The following KATNAL1 variants were observed in gnomAD, a reference collection of about 807,000 sequenced individuals.
The protein encoded by KATNAL1 is katanin p60 ATPase-containing subunit A-like 1.
In KATNAL1, 32 loss-of-function variants were observed where a neutral mutation model predicts 55.2. That is an observed-to-expected ratio of 0.58 (90% CI 0.44 to 0.78). KATNAL1 has a LOEUF of 0.78. KATNAL1 is among the 30% of genes least tolerant of loss of function. The probability of loss-of-function intolerance (pLI) is 0.00; values close to 1 mark genes in which losing one functional copy is unlikely to be tolerated. For missense variants in KATNAL1, 466 were observed against 600.9 expected, an observed-to-expected ratio of 0.78 and a Z score of 2.35; for synonymous variants, 193 against 193.6, an observed-to-expected ratio of 1.00 and a Z score of 0.02.
At chr13:30,263,480 C>T (rs1475246082) in intron 3 of KATNAL1, among the ~76,000 whole-genome samples, 1 of 151,802 alleles carries the variant, frequency 6.6e-6, no homozygotes, top group Middle Eastern at 3.4e-3. Flanking sequence ...CCCATCGTCT[C>T]AGCCCAAAAT....
rs1874580179 is a variant in KATNAL1, at chr13:30,218,928, T to G, written c.1147+8484A>C. Among the ~76,000 whole-genome samples, 4 of 152,298 alleles carry G rather than the reference T, an allele frequency of 2.6e-5. No individual in the cohort carries two copies. In the South Asian group the frequency reaches 8.3e-4, roughly 32 times the overall value. ...TACAATTATTTTGTCTCATTAAATT[T>G]TGGAGTGGTTTGTTAAACTGCAAGA... is the stretch of plus-strand genomic sequence containing the variant. On this transcript the variant is annotated intron_variant, in intron 9 of 10. Coordinates refer to ENST00000380615, the MANE Select transcript of KATNAL1 (RefSeq NM_032116.5).
At chr13:30,285,477 T>A (rs1881718016) in intron 1 of KATNAL1, among the ~76,000 whole-genome samples, 1 of 152,212 alleles carries the variant, frequency 6.6e-6, no homozygotes, top group African/African-American at 2.4e-5. Flanking sequence ...TCTCTCCTGC[T>A]GCCCTGTGAA....
chr13:30,270,607 C>A (rs1231104176), intron 3 of KATNAL1, among the ~76,000 whole-genome samples: 1 of 151,882 alleles, frequency 6.6e-6, no homozygotes, highest in Non-Finnish European at 1.5e-5. Flanking sequence ...GATCTGTGAC[C>A]TTACCCCCAA....
Position 30,204,233 on chromosome 13 carries a change from C to T in KATNAL1, c.*4307G>A, listed in dbSNP as rs150505276. The T allele has an allele frequency of 3.9e-5, 6 of 152,178 alleles. No individual in the cohort carries two copies. The highest frequency in any genetic ancestry group is 1.4e-4 in the African/African-American group (6 of 41,510). 9.4% of individuals were successfully genotyped at this position (152,178 alleles called of 1,614,324 possible). On this transcript the variant is annotated 3_prime_UTR_variant, in exon 11 of 11. Transcript: ENST00000380615. ...TAAGGTGGCCTTTTCTTGGAAAAGG[C>T]CAGCATTCACCCTTAACATTTTATG...
Position 30,274,907 on chromosome 13 carries a change from GCACACACA to G in KATNAL1, c.323+5148_323+5155del, listed in dbSNP as rs368435407. On this transcript the variant is annotated intron_variant, in intron 3 of 10. Coordinates refer to ENST00000380615, the MANE Select transcript of KATNAL1 (RefSeq NM_032116.5). ...CACACACATACGCGCGCGCGCGCGC[GCACACACA>G]CACACACACACACACACACACACAC... Among the ~76,000 whole-genome samples the G allele has an allele frequency of 4.6e-3, 483 of 105,410 alleles. 4 individuals are homozygous for G. Among genetic ancestry groups the G allele is most frequent in the East Asian group, 0.023 (86 of 3,664 alleles). The allele number at this position is 105,410 out of a possible 152,430, so 69.2% of individuals were successfully genotyped here.
chr13:30,303,261 C>T (rs749612128), intron 1 of KATNAL1, among the ~76,000 whole-genome samples: 5 of 152,342 alleles, frequency 3.3e-5, no homozygotes, highest in Non-Finnish European at 7.3e-5. Flanking sequence ...TGAAAAACTA[C>T]TCCATTTTTT....
intron 3 of KATNAL1, among the ~76,000 whole-genome samples, chr13:30,258,734 C>T (rs1037027369): frequency 1.8e-4 from 27 of 151,872 alleles, no homozygotes; most frequent in Non-Finnish European, 2.5e-4. Flanking sequence ...TTTTGTACGA[C>T]GTGAGGTGGG....
intron 4 of KATNAL1, among the ~76,000 whole-genome samples, chr13:30,248,188 A>G (rs997737117): frequency 1.3e-5 from 2 of 152,212 alleles, no homozygotes; most frequent in African/African-American, 4.8e-5. Flanking sequence ...AGAGGTTAAA[A>G]TATTTGAATG....
In KATNAL1 at chr13:30,210,381, A is replaced by T; in HGVS notation, c.1209T>A (p.Ile403=). The part of the protein sequence containing the change: ...NLREVELDPD[I]QLEDIAEKIE... ...TCTTCTCGGCTATATCTTCCAGTTG[A>T]ATATCAGGATCTAATTCGACCTCAC... The change falls in exon 10 of 11, where the codon ATT becomes ATA. Residue 403 remains isoleucine, a synonymous_variant. Transcript: ENST00000380615. The T allele has an allele frequency of 6.2e-7, 1 of 1,608,792 alleles. No homozygotes were observed. Among genetic ancestry groups the T allele is most frequent in the Non-Finnish European group, 8.5e-7 (1 of 1,177,796 alleles).
intron 9 of KATNAL1, among the ~76,000 whole-genome samples, chr13:30,215,641 T>C (rs987431172): frequency 6.6e-6 from 1 of 152,126 alleles, no homozygotes; most frequent in African/African-American, 2.4e-5. Context: ...TGGATGAAAC[T>C]AGAAATCATC....
intron 2 of KATNAL1, 134 bp downstream of exon 2, chr13:30,283,474 TATATTTTA>T (rs1881557029): frequency 3.4e-6 from 2 of 588,926 alleles, no homozygotes; most frequent in Non-Finnish European, 5.5e-6. Flanking sequence ...TATTCAAGAG[TATATTTTA>T]AATGTATTTC....
chr13:30,217,912 T>C (rs892672758), intron 9 of KATNAL1, among the ~76,000 whole-genome samples: 1 of 152,044 alleles, frequency 6.6e-6, no homozygotes, highest in Non-Finnish European at 1.5e-5. Flanking sequence ...CTGAGGGACA[T>C]CTGGGAAATC....
intron 3 of KATNAL1, among the ~76,000 whole-genome samples, chr13:30,261,810 G>A (rs1016350952): frequency 5.9e-5 from 9 of 151,986 alleles, no homozygotes; most frequent in Non-Finnish European, 1.0e-4. Flanking sequence ...ACAGATCAAC[G>A]AGACAGAAAG....
At chr13:30,232,712 T>C (rs1876227678) in intron 6 of KATNAL1, among the ~76,000 whole-genome samples, 1 of 152,174 alleles carries the variant, frequency 6.6e-6, no homozygotes, top group African/African-American at 2.4e-5. Flanking sequence ...TACTGTACGA[T>C]ATTTATAAAC....
chr13:30,274,907 G>GCGCGCACACACACACACACA (rs869107567), intron 3 of KATNAL1, among the ~76,000 whole-genome samples: 2 of 105,390 alleles, frequency 1.9e-5, no homozygotes, highest in African/African-American at 8.1e-5. Context: ...GCGCGCGCGC[G>GCGCGCACACACACACACACA]CACACACACA....
intron 1 of KATNAL1, chr13:30,296,430 G>A (rs148318208): frequency 5.8e-6 from 5 of 868,550 alleles, no homozygotes; most frequent in East Asian, 5.2e-5. Flanking sequence ...AAGGAGGGAG[G>A]CTTGGGCCCC....
chr13:30,290,894 A>G (rs561072280), intron 1 of KATNAL1, among the ~76,000 whole-genome samples: 5 of 152,358 alleles, frequency 3.3e-5, no homozygotes, highest in African/African-American at 1.2e-4. Context: ...AATGTATTTG[A>G]CAAAATTCAA....
chr13:30,210,534 G>T (rs186412462), intron 9 of KATNAL1, 92 bp from the exon 10 acceptor site: 9 of 1,149,042 alleles, frequency 7.8e-6, no homozygotes, highest in South Asian at 3.1e-5. Context: ...GGAAAAATGA[G>T]GCCAATGCAA....
chr13:30,296,733 T>C, intron 1 of KATNAL1: 1 of 539,180 alleles, frequency 1.9e-6, no homozygotes, highest in Non-Finnish European at 3.6e-6. Flanking sequence ...CAAACAAAAT[T>C]AGGCTGGCCA....
Sources: allele counts gnomAD v4.1 joint callset (sites outside exome capture counted in the v4.1 genomes callset), GRCh38; gene constraint gnomAD v4.1.1; transcripts MANE v1.5; gene names NCBI Gene and HGNC (gene_info 2026-07-23, HGNC 2026-07-21).